Variants in SMARCB1 observed in about 807,000 individuals in gnomAD.
SMARCB1 encodes the protein SWI/SNF-related matrix-associated actin-dependent regulator of chromatin subfamily B member 1.
In SMARCB1, 5 loss-of-function variants were observed where a neutral mutation model predicts 49.0. That is an observed-to-expected ratio of 0.10 (90% CI 0.05 to 0.21). SMARCB1 has a LOEUF of 0.21. SMARCB1 is among the 10% of genes least tolerant of loss of function. The probability of loss-of-function intolerance (pLI) is 1.00; values close to 1 mark genes in which losing one functional copy is unlikely to be tolerated. For missense variants in SMARCB1, 226 were observed against 509.2 expected (o/e 0.44, Z 5.35); for synonymous variants, 201 against 200.1 (o/e 1.00, Z -0.04).
intron 1 of SMARCB1, among the ~76,000 whole-genome samples, chr22:23,789,345 C>T (rs1268081433): frequency 6.6e-6 from 1 of 152,222 alleles, no homozygotes; most frequent in Admixed American, 6.5e-5. Context: ...AAATTTCAGC[C>T]TGTGATACTA....
At chr22:23,827,751 C>T (rs930996397) in intron 7 of SMARCB1, among the ~76,000 whole-genome samples, 2 of 152,130 alleles carry the variant, frequency 1.3e-5, no homozygotes, top group Non-Finnish European at 2.9e-5. Context: ...GTGTGTCTTC[C>T]CAGTCCCCAC....
At chr22:23,802,868 C>A (rs1929254694) in intron 4 of SMARCB1, 2 of 335,514 alleles carry the variant, frequency 6.0e-6, no homozygotes, top group African/African-American at 2.1e-5. Flanking sequence ...CTGCTCCTCA[C>A]GGAATCTGTG....
intron 4 of SMARCB1, chr22:23,801,330 C>T: frequency 1.4e-6 from 1 of 706,416 alleles, no homozygotes; most frequent in Non-Finnish European, 2.6e-6. Context: ...AGTGGAGTTA[C>T]TCAGGGCGCG....
rs2073394 is a variant in SMARCB1 at position 23,817,139 on chromosome 22, C to T, written c.795+203C>T. On this transcript the variant is annotated intron_variant, in intron 6 of 8. Coordinates refer to ENST00000644036, the MANE Select transcript of SMARCB1 (RefSeq NM_003073.5). ...GTTCTCATAGTAAAGTGTTATATTCCGGACACATTCAGGGGGTGTCTCTGA... is the reference window on the plus strand; with the variant it reads ...GTTCTCATAGTAAAGTGTTATATTCTGGACACATTCAGGGGGTGTCTCTGA... 0.13 allele frequency: 80,661 copies of T among 615,294 alleles called. 6,224 individuals are homozygous for T. The highest frequency in any genetic ancestry group is 0.27 in the South Asian group (14,459 of 53,578). The allele number at this position is 615,294 out of a possible 1,614,324, so 38.1% of individuals were successfully genotyped here.
At chr22:23,817,091 C>T (rs781168041) in intron 6 of SMARCB1, 155 bp downstream of exon 6, 6 of 668,718 alleles carry the variant, frequency 9.0e-6, no homozygotes, top group Non-Finnish European at 1.6e-5. Context: ...TCCCTGCAAT[C>T]CCCCAGGAAG....
At position 23,787,044 on chromosome 22, in the gene SMARCB1, A is replaced by G. The variant is rs1428438402; in HGVS notation, c.-126A>G. ...GGCTGAGGAGCCCGGCTGAGGCGCC[A>G]GTACCCGGCCCGGTCCGCATTTCGC... is the stretch of plus-strand genomic sequence containing the variant. On this transcript the variant is annotated 5_prime_UTR_variant, in exon 1 of 9. Transcript: ENST00000644036. 4 of 617,084 alleles carry G rather than the reference A, an allele frequency of 6.5e-6. No homozygotes were observed. Among genetic ancestry groups the G allele is most frequent in the Admixed American group, 2.9e-5 (1 of 34,946 alleles). The allele number at this position is 617,084 out of a possible 1,614,324, so 38.2% of individuals were successfully genotyped here.
chr22:23,834,778 G>C lies in SMARCB1; in HGVS notation c.*598G>C. Reference sequence around the variant, plus strand: ...GTAGCTGTGAGGCTCAGGGCAAGAGGCTCTCTGCCTTTCAGGAACAGCCCT... The same window carrying C: ...GTAGCTGTGAGGCTCAGGGCAAGAGCCTCTCTGCCTTTCAGGAACAGCCCT... On this transcript the variant is annotated 3_prime_UTR_variant, in exon 9 of 9. Coordinates refer to ENST00000644036, the MANE Select transcript of SMARCB1 (RefSeq NM_003073.5). 6.4e-7 allele frequency: 1 copy of C among 1,565,488 alleles called. No homozygotes were observed. The highest frequency in any genetic ancestry group is 8.7e-7 in the Non-Finnish European group (1 of 1,154,176).
At chr22:23,789,358 C>T (rs1378469497) in intron 1 of SMARCB1, among the ~76,000 whole-genome samples, 4 of 152,172 alleles carry the variant, frequency 2.6e-5, no homozygotes, top group Non-Finnish European at 4.4e-5. Context: ...TGATACTAGG[C>T]GAGTTGTTTA....
chr22:23,834,006 G>A, intron 8 of SMARCB1, 135 bp from the exon 9 acceptor site: 16 of 963,658 alleles, frequency 1.7e-5, no homozygotes, highest in Non-Finnish European at 2.4e-5. Flanking sequence ...AGAAGGCTGG[G>A]TCTGACCCTG....
At position 23,816,522 on chromosome 22, in the gene SMARCB1, A is replaced by G. The variant is rs2073392; in HGVS notation, c.629-248A>G. ...CACCCAGCTATGAGTGGAATGAGGGAAGTGTTTATGGCCATGACCACCCCC... is the reference window on the plus strand; with the variant it reads ...CACCCAGCTATGAGTGGAATGAGGGGAGTGTTTATGGCCATGACCACCCCC... On this transcript the variant is annotated intron_variant, in intron 5 of 8. Transcript: ENST00000644036. The G allele has an allele frequency of 0.9, 544,270 of 601,796 alleles. 247,475 individuals carry two copies. Among genetic ancestry groups the G allele is most frequent in the African/African-American group, 0.93 (50,575 of 54,092 alleles). The allele number at this position is 601,796 out of a possible 1,614,324, so 37.3% of individuals were successfully genotyped here.
intron 6 of SMARCB1, chr22:23,817,201 G>C (rs1930245632): frequency 1.8e-6 from 1 of 565,068 alleles, no homozygotes; most frequent in Admixed American, 3.0e-5. Context: ...CGGAGGTCTA[G>C]AGGAGGTGAA....
At chr22:23,792,149 C>G in intron 2 of SMARCB1, 3 of 498,018 alleles carry the variant, frequency 6.0e-6, no homozygotes, top group Non-Finnish European at 1.1e-5. Flanking sequence ...CTAGCAGGTG[C>G]TGTGAAGACA....
rs1929097924 is a variant in SMARCB1 at position 23,800,855 on chromosome 22, A to G, written c.363-89A>G. ...GGAGCCTCGAGCCTGACAGAGGTACAGTGGGCATCCCTGGAGCATTAGTTG... is the reference window on the plus strand; with the variant it reads ...GGAGCCTCGAGCCTGACAGAGGTACGGTGGGCATCCCTGGAGCATTAGTTG... On this transcript the variant is annotated intron_variant, in intron 3 of 8. Coordinates refer to ENST00000644036, the MANE Select transcript of SMARCB1 (RefSeq NM_003073.5). The G allele has an allele frequency of 3.0e-6, 3 of 1,007,870 alleles. No individual in the cohort carries two copies. The African/African-American group carries it at 4.7e-5, about 16-fold the overall frequency. The allele number at this position is 1,007,870 out of a possible 1,614,324, so 62.4% of individuals were successfully genotyped here.
intron 2 of SMARCB1, 71 bp from the exon 3 acceptor site, chr22:23,793,488 G>A (rs2145963293): frequency 6.5e-7 from 1 of 1,538,040 alleles, no homozygotes; most frequent in Non-Finnish European, 9.0e-7. Context: ...TTGATGTGCT[G>A]CATCCACTTG....
chr22:23,819,823 TTTTTC>T (rs1001885616), intron 6 of SMARCB1, among the ~76,000 whole-genome samples: 56 of 151,636 alleles, frequency 3.7e-4, no homozygotes, highest in African/African-American at 1.3e-3. Flanking sequence ...CACTTGTTAG[TTTTTC>T]TTTTCTTTTC....
chr22:23,825,145 C>A, intron 6 of SMARCB1, 80 bp from the exon 7 acceptor site: 1 of 1,237,016 alleles, frequency 8.1e-7, no homozygotes, highest in Non-Finnish European at 1.2e-6. Flanking sequence ...GGGCCCACCC[C>A]AGGCCTGGCA....
intron 5 of SMARCB1, among the ~76,000 whole-genome samples, chr22:23,811,463 A>G (rs914259997): frequency 5.9e-5 from 9 of 152,384 alleles, no homozygotes; most frequent in East Asian, 1.9e-4. Flanking sequence ...CCTGAGCAAC[A>G]TATACCATAT....
chr22:23,835,627 C>T lies in SMARCB1; in HGVS notation c.*1447C>T, dbSNP rs2030985798. Reference sequence around the variant, plus strand: ...AGCCCCATGCACAGCAAGGGGACAGCTGGGCCTTACTGGAAGGCCTTGAAC... The same window carrying T: ...AGCCCCATGCACAGCAAGGGGACAGTTGGGCCTTACTGGAAGGCCTTGAAC... On this transcript the variant is annotated 3_prime_UTR_variant, in exon 9 of 9. Transcript: ENST00000644036. 1 of 985,386 alleles carries T rather than the reference C, an allele frequency of 1.0e-6. No homozygotes were observed. Among genetic ancestry groups the T allele is most frequent in the Admixed American group, 6.1e-5 (1 of 16,276 alleles). The allele number at this position is 985,386 out of a possible 1,614,324, so 61.0% of individuals were successfully genotyped here.
At chr22:23,802,810 G>GTCC (rs1929250087) in intron 4 of SMARCB1, 1 of 296,554 alleles carries the variant, frequency 3.4e-6, no homozygotes. Context: ...CCTGAGGGAA[G>GTCC]AACTGTGGGT....
Sources: allele counts gnomAD v4.1 joint callset (sites outside exome capture counted in the v4.1 genomes callset), GRCh38; gene constraint gnomAD v4.1.1; transcripts MANE v1.5; gene names NCBI Gene and HGNC (gene_info 2026-07-23, HGNC 2026-07-21).